MUSK: variants seen among roughly 807,000 people sequenced by gnomAD.
The protein encoded by MUSK is muscle associated receptor tyrosine kinase.
Under a neutral mutation model 88.7 loss-of-function variants are expected in MUSK, and 55 were observed. The ratio of observed to expected loss-of-function variants is 0.62; its 90% CI spans 0.50 to 0.78. The LOEUF (loss-of-function observed/expected upper bound fraction) is 0.78, where lower values mean the gene tolerates loss of function less well. Ranked by LOEUF, MUSK falls within the 30% of genes least tolerant of loss-of-function variation. The pLI, the probability that MUSK is intolerant of heterozygous loss-of-function variation, is 0.00. For missense variants in MUSK, 1,015 were observed against 1,074.3 expected (o/e 0.94, Z 0.77); for synonymous variants, 387 against 391.9 (o/e 0.99, Z 0.15).
Position 110,768,189 on chromosome 9 carries a change from G to C in MUSK, c.1184+106G>C. On this transcript the variant is annotated intron_variant, in intron 9 of 14. Transcript: ENST00000374448. ...ATATGCAACAGTAAAAGGAAAAGCT[G>C]GTTTTCATCCAAAATAGGAGGTTAA... 3.3e-6 allele frequency: 4 copies of C among 1,210,534 alleles called. No homozygotes were observed. In the Admixed American group the frequency reaches 9.4e-5, roughly 28 times the overall value. 75.0% of individuals were successfully genotyped at this position (1,210,534 alleles called of 1,614,324 possible).
At chr9:110,697,221 C>T in intron 4 of MUSK, 104 bp from the exon 5 acceptor site, 1 of 1,243,454 alleles carries the variant, frequency 8.0e-7, no homozygotes, top group Non-Finnish European at 1.1e-6. Context: ...AAAGCGATAT[C>T]TTTGATGATG....
intron 3 of MUSK, among the ~76,000 whole-genome samples, chr9:110,689,977 TA>T (rs1316628466): frequency 7.2e-5 from 5 of 69,218 alleles, no homozygotes; most frequent in Admixed American, 2.4e-4. Flanking sequence ...TATATTATAT[TA>T]TAAATATTAT....
intron 14 of MUSK, among the ~76,000 whole-genome samples, chr9:110,798,618 C>T (rs1218952382): frequency 6.6e-6 from 1 of 152,108 alleles, no homozygotes; most frequent in African/African-American, 2.4e-5. Context: ...CATCCATCCA[C>T]CCATCAACAT....
intron 11 of MUSK, among the ~76,000 whole-genome samples, chr9:110,781,637 T>C (rs1564288812): frequency 6.6e-6 from 1 of 152,164 alleles, no homozygotes; most frequent in Non-Finnish European, 1.5e-5. Context: ...GGGTGGCTTA[T>C]ACACAGAAAT....
intron 5 of MUSK, among the ~76,000 whole-genome samples, chr9:110,718,199 A>T (rs1452083041): frequency 6.6e-6 from 1 of 152,028 alleles, no homozygotes; most frequent in Non-Finnish European, 1.5e-5. Context: ...GTGTCCCCAC[A>T]CTATGGTGCC....
chr9:110,755,974 A>ATG (rs2077315056), intron 7 of MUSK, among the ~76,000 whole-genome samples: 3 of 84,938 alleles, frequency 3.5e-5, no homozygotes, highest in Admixed American at 1.2e-4. Flanking sequence ...ACATATATAT[A>ATG]TATACATATA....
At chr9:110,776,923 T>G (rs2077681087) in intron 11 of MUSK, among the ~76,000 whole-genome samples, 1 of 152,322 alleles carries the variant, frequency 6.6e-6, no homozygotes, top group Non-Finnish European at 1.5e-5. Flanking sequence ...GTTTTATTTC[T>G]TATATGGCTA....
chr9:110,789,488 G>A (rs2077935419), intron 14 of MUSK, among the ~76,000 whole-genome samples: 1 of 152,192 alleles, frequency 6.6e-6, no homozygotes, highest in African/African-American at 2.4e-5. Context: ...ATTTAAAGAT[G>A]TGGTTTTTGT....
chr9:110,786,138 C>G (rs2077857165), intron 13 of MUSK, among the ~76,000 whole-genome samples: 1 of 151,038 alleles, frequency 6.6e-6, no homozygotes, highest in Non-Finnish European at 1.5e-5. Context: ...TGGCGAAACC[C>G]CGTCTCTACT....
At chr9:110,746,315 A>G (rs1377497529) in intron 6 of MUSK, among the ~76,000 whole-genome samples, 1 of 152,240 alleles carries the variant, frequency 6.6e-6, no homozygotes, top group Non-Finnish European at 1.5e-5. Context: ...CCATTTAAAA[A>G]AAATGCCACC....
intron 5 of MUSK, 60 bp from the exon 6 acceptor site, chr9:110,734,191 C>T (rs1188897026): frequency 6.5e-6 from 10 of 1,545,292 alleles, no homozygotes; most frequent in Middle Eastern, 1.8e-4. Flanking sequence ...TTCTAAAAGA[C>T]CACCCTAGCT....
intron 7 of MUSK, among the ~76,000 whole-genome samples, chr9:110,752,545 T>C (rs1469888506): frequency 6.6e-6 from 1 of 152,256 alleles, no homozygotes; most frequent in African/African-American, 2.4e-5. Context: ...AATGCCAAAC[T>C]CTGCTGTCTC....
intron 14 of MUSK, among the ~76,000 whole-genome samples, chr9:110,789,808 T>C (rs75623063): frequency 0.047 from 7,202 of 152,192 alleles, 615 homozygotes; most frequent in African/African-American, 0.16. Flanking sequence ...TTTTTGGCGA[T>C]GCTTATTCAA....
intron 5 of MUSK, among the ~76,000 whole-genome samples, chr9:110,702,240 C>T (rs1042805707): frequency 1.3e-5 from 2 of 151,936 alleles, no homozygotes; most frequent in African/African-American, 2.4e-5. Context: ...CTGCAAAAAC[C>T]ATAAGCTCAA....
intron 1 of MUSK, among the ~76,000 whole-genome samples, chr9:110,676,227 T>C (rs2076025113): frequency 6.6e-6 from 1 of 151,646 alleles, no homozygotes. Flanking sequence ...ATAATGCTCA[T>C]AGCAAGGGAT....
chr9:110,670,211 C>T (rs1486366201), intron 1 of MUSK, among the ~76,000 whole-genome samples: 2 of 152,108 alleles, frequency 1.3e-5, no homozygotes, highest in African/African-American at 2.4e-5. Context: ...AAGGCATCTA[C>T]AGATAAAAGA....
At chr9:110,693,828 C>T (rs1193081959) in intron 3 of MUSK, among the ~76,000 whole-genome samples, 2 of 152,086 alleles carry the variant, frequency 1.3e-5, no homozygotes, top group African/African-American at 2.4e-5. Flanking sequence ...GCATAGATAA[C>T]ACTTTATTTG....
rs777285590 is a variant in MUSK at position 110,747,714 on chromosome 9, A to G, written c.827A>G (p.Lys276Arg). The G allele has an allele frequency of 3.7e-6, 6 of 1,613,868 alleles. No homozygotes were observed. Among genetic ancestry groups the G allele is most frequent in the Non-Finnish European group, 5.1e-6 (6 of 1,179,810 alleles). The part of the protein sequence containing the change: ...IDSRLQLFIT[K>R]PGLYTCIATN... ...TCAAGACTGCAGCTGTTTATCACCAAGCCAGGACTCTACACATGCATAGCT... is the reference window on the plus strand; with the variant it reads ...TCAAGACTGCAGCTGTTTATCACCAGGCCAGGACTCTACACATGCATAGCT... The change falls in exon 7 of 15, where the codon AAG becomes AGG. Residue 276 changes from lysine to arginine, a missense_variant. By Grantham distance (26) the Lys-to-Arg change is conservative. Transcript: ENST00000374448.
intron 13 of MUSK, among the ~76,000 whole-genome samples, chr9:110,786,310 CA>C (rs60666436): frequency 0.012 from 891 of 75,478 alleles, 6 homozygotes; most frequent in African/African-American, 0.037. Context: ...GACTCTGTCT[CA>C]AAAAAAAAAA....
Sources: gnomAD v4.1 joint callset for allele counts (sites outside exome capture counted in the v4.1 genomes callset) on GRCh38, gnomAD v4.1.1 for gene constraint, MANE v1.5 for transcripts, NCBI Gene and HGNC (gene_info 2026-07-23, HGNC 2026-07-21) for gene names.